Variants in TBC1D22A observed in about 807,000 individuals in gnomAD.
TBC1D22A encodes the protein TBC1 domain family member 22A, also known as putative GTPase activator.
A neutral mutation model predicts 60.2 loss-of-function variants in TBC1D22A; 38 were observed. The observed-to-expected ratio is 0.63, with a 90% CI of 0.49 to 0.83. The LOEUF is 0.83. Among genes scored for constraint, TBC1D22A ranks in the 40% least tolerant of loss-of-function variants. TBC1D22A has a pLI of 0.00. For missense variants in TBC1D22A, 628 were observed against 701.0 expected (o/e 0.90, Z 1.18); for synonymous variants, 302 against 281.7 (o/e 1.07, Z -0.72).
intron 10 of TBC1D22A, among the ~76,000 whole-genome samples, chr22:46,997,985 G>A (rs764522921): frequency 6.6e-5 from 10 of 152,158 alleles, no homozygotes; most frequent in Non-Finnish European, 1.5e-4. Flanking sequence ...CCTGGTGATT[G>A]TCATAATCTA....
intron 8 of TBC1D22A, 73 bp from the exon 9 acceptor site, chr22:46,974,217 C>A: frequency 7.8e-7 from 1 of 1,287,462 alleles, no homozygotes; most frequent in South Asian, 1.3e-5. Flanking sequence ...TCTGTTCCTC[C>A]GTGGGCCCCC....
intron 11 of TBC1D22A, among the ~76,000 whole-genome samples, chr22:47,046,122 A>G (rs2063025041): frequency 6.6e-6 from 1 of 152,072 alleles, no homozygotes; most frequent in South Asian, 2.1e-4. Flanking sequence ...GGTGTGGTCT[A>G]CCTGTGGGTG....
chr22:47,039,704 GA>G (rs34793078), intron 11 of TBC1D22A, among the ~76,000 whole-genome samples: 2,309 of 81,404 alleles, frequency 0.028, 48 homozygotes, highest in African/African-American at 0.091. Flanking sequence ...TGCATTTCAG[GA>G]AAAAAAAAAA....
intron 1 of TBC1D22A, among the ~76,000 whole-genome samples, chr22:46,785,618 T>A (rs550989065): frequency 6.6e-6 from 1 of 152,360 alleles, no homozygotes; most frequent in East Asian, 1.9e-4. Flanking sequence ...CTCCCTGTTC[T>A]AGTCCCCAAG....
intron 4 of TBC1D22A, among the ~76,000 whole-genome samples, chr22:46,820,699 T>C (rs2085789668): frequency 6.6e-6 from 1 of 152,260 alleles, no homozygotes. Flanking sequence ...GAAGAATGTA[T>C]ATTCTGTTGA....
chr22:47,173,404 C>G, intron 12 of TBC1D22A, 94 bp from the exon 13 acceptor site: 1 of 1,538,786 alleles, frequency 6.5e-7, no homozygotes, highest in Non-Finnish European at 8.9e-7. Context: ...CCTCCTCTGA[C>G]CTGGGCTTGT....
intron 11 of TBC1D22A, among the ~76,000 whole-genome samples, chr22:47,092,001 G>A (rs2064996834): frequency 6.6e-6 from 1 of 152,188 alleles, no homozygotes; most frequent in Non-Finnish European, 1.5e-5. Context: ...CATCATGATT[G>A]CCGTCTTACA....
At chr22:46,987,788 T>G (rs1323201083) in intron 9 of TBC1D22A, among the ~76,000 whole-genome samples, 1 of 152,156 alleles carries the variant, frequency 6.6e-6, no homozygotes, top group Non-Finnish European at 1.5e-5. Context: ...CTGTGGCAAT[T>G]TGTTAAATTA....
At chr22:46,873,618 G>T (rs920612700) in intron 4 of TBC1D22A, among the ~76,000 whole-genome samples, 1 of 152,036 alleles carries the variant, frequency 6.6e-6, no homozygotes, top group Non-Finnish European at 1.5e-5. Context: ...CATCATCCAG[G>T]TATTAGGCCC....
At position 47,015,332 on chromosome 22, in the gene TBC1D22A, C is replaced by T. The variant is rs565678076; in HGVS notation, c.1201+17623C>T. ...CCTAAGCTGCCTGGGGAGGGCGGCT[C>T]GCTTTATTTAATTCACACGCTCAAA... On this transcript the variant is annotated intron_variant, in intron 10 of 12. Transcript: ENST00000337137. Among the ~76,000 whole-genome samples the T allele has an allele frequency of 5.3e-5, 8 of 152,316 alleles. No individual in the cohort carries two copies. The South Asian group carries it at 8.3e-4, about 16-fold the overall frequency.
chr22:47,041,319 T>C (rs2062836986), intron 11 of TBC1D22A, among the ~76,000 whole-genome samples: 1 of 152,206 alleles, frequency 6.6e-6, no homozygotes, highest in Admixed American at 6.5e-5. Context: ...AGATGGTGCT[T>C]GTCTCCCTGG....
Position 46,817,727 on chromosome 22 carries a change from C to T in TBC1D22A, c.637+20107C>T, listed in dbSNP as rs189372695. Among the ~76,000 whole-genome samples, 26 of 152,202 alleles carry T rather than the reference C, an allele frequency of 1.7e-4. No homozygotes were observed. The East Asian group carries it at 4.1e-3, about 24-fold the overall frequency. ...GTTGCAGTAAACATATGTGTGTGCA[C>T]GTATCTTCATAGTAGAATGATTTAT... is the stretch of plus-strand genomic sequence containing the variant. On this transcript the variant is annotated intron_variant, in intron 4 of 12. Transcript: ENST00000337137.
At chr22:47,168,788 T>C (rs1203150062) in intron 12 of TBC1D22A, among the ~76,000 whole-genome samples, 1 of 150,976 alleles carries the variant, frequency 6.6e-6, no homozygotes, top group African/African-American at 2.4e-5. Context: ...GTCAGTGTCC[T>C]CCACGGATGG....
chr22:46,917,721 G>A (rs1326966634), intron 8 of TBC1D22A, among the ~76,000 whole-genome samples: 6 of 152,148 alleles, frequency 3.9e-5, no homozygotes, highest in African/African-American at 7.2e-5. Flanking sequence ...GCTGACAGTC[G>A]CGGCTGTGGA....
At chr22:46,775,730 C>CA (rs2083677309) in intron 1 of TBC1D22A, among the ~76,000 whole-genome samples, 1 of 152,238 alleles carries the variant, frequency 6.6e-6, no homozygotes, top group Non-Finnish European at 1.5e-5. Context: ...CCTCAGCCGT[C>CA]ATGCTTTTAA....
intron 12 of TBC1D22A, among the ~76,000 whole-genome samples, chr22:47,145,349 C>T (rs541934964): frequency 1.2e-4 from 19 of 152,256 alleles, no homozygotes; most frequent in African/African-American, 3.9e-4. Context: ...TCGAGAGGGC[C>T]GCTGCTCTGT....
At chr22:46,770,698 A>G (rs2083452257) in intron 1 of TBC1D22A, among the ~76,000 whole-genome samples, 1 of 152,216 alleles carries the variant, frequency 6.6e-6, no homozygotes, top group Admixed American at 6.5e-5. Context: ...AGGCCTAGGA[A>G]CCAAATAGAG....
chr22:47,060,470 G>T (rs867139756), intron 11 of TBC1D22A, among the ~76,000 whole-genome samples: 1 of 152,068 alleles, frequency 6.6e-6, no homozygotes, highest in Middle Eastern at 3.2e-3. Flanking sequence ...TCGCTCTGTA[G>T]CCCAGGCTAG....
chr22:46,867,318 G>T (rs1197438619), intron 4 of TBC1D22A, among the ~76,000 whole-genome samples: 2 of 152,152 alleles, frequency 1.3e-5, no homozygotes, highest in East Asian at 3.9e-4. Flanking sequence ...TGCATGCCTG[G>T]CACAACCTCT....
Sources: allele counts gnomAD v4.1 joint callset (sites outside exome capture counted in the v4.1 genomes callset), GRCh38; gene constraint gnomAD v4.1.1; transcripts MANE v1.5; gene names NCBI Gene and HGNC (gene_info 2026-07-23, HGNC 2026-07-21).